The following TNPO1 variants were observed in gnomAD, a reference collection of about 807,000 sequenced individuals.
The protein encoded by TNPO1 is transportin 1, also known as transportin-1.
A neutral mutation model predicts 119.5 loss-of-function variants in TNPO1; 8 were observed. The ratio of observed to expected loss-of-function variants is 0.07; its 90% CI spans 0.04 to 0.12. The LOEUF (loss-of-function observed/expected upper bound fraction) is 0.12. Ranked by LOEUF, TNPO1 falls within the 10% of genes least tolerant of loss-of-function variation. The pLI is 1.00. For synonymous variants in TNPO1, 362 were observed against 363.0 expected, an observed-to-expected ratio of 1.00 and a Z score of 0.03; for missense variants, 576 against 1,089.8, an observed-to-expected ratio of 0.53 and a Z score of 6.64.
chr5:72,887,300 A>AG (rs1554054235), intron 12 of TNPO1, 78 bp downstream of exon 12: 2 of 1,047,926 alleles, frequency 1.9e-6, no homozygotes, highest in African/African-American at 1.9e-5. Flanking sequence ...GGCTACTTTA[A>AG]GGAATTTCTA....
chr5:72,859,543 T>C (rs1229780940), intron 4 of TNPO1, among the ~76,000 whole-genome samples: 1 of 152,218 alleles, frequency 6.6e-6, no homozygotes, highest in Admixed American at 6.5e-5. Context: ...AAAATTTTTA[T>C]TAACCTTAAC....
At chr5:72,876,045 G>A (rs1747740528) in intron 8 of TNPO1, among the ~76,000 whole-genome samples, 2 of 152,124 alleles carry the variant, frequency 1.3e-5, no homozygotes, top group Admixed American at 6.5e-5. Flanking sequence ...TAGCATTCGT[G>A]GTATGCAGCA....
intron 3 of TNPO1, 56 bp from the exon 4 acceptor site, chr5:72,855,718 C>A: frequency 2.1e-6 from 3 of 1,425,312 alleles, no homozygotes; most frequent in Admixed American, 2.3e-5. Context: ...AACTTATCGG[C>A]ACATTTTGAA....
intron 2 of TNPO1, among the ~76,000 whole-genome samples, chr5:72,850,952 A>T (rs1174121653): frequency 6.6e-6 from 1 of 152,126 alleles, no homozygotes; most frequent in African/African-American, 2.4e-5. Flanking sequence ...AAATCCAAGA[A>T]TTTTTTTGAA....
intron 2 of TNPO1, among the ~76,000 whole-genome samples, chr5:72,849,227 TC>T (rs1199917421): frequency 6.6e-6 from 1 of 152,162 alleles, no homozygotes. Context: ...GGTGTAGTGA[TC>T]CTGTTGCTAC....
intron 1 of TNPO1, among the ~76,000 whole-genome samples, chr5:72,838,018 C>T (rs561024715): frequency 1.2e-4 from 18 of 152,228 alleles, no homozygotes; most frequent in African/African-American, 4.3e-4. Context: ...AATATATGCC[C>T]CTGTTGTGTG....
intron 9 of TNPO1, among the ~76,000 whole-genome samples, chr5:72,880,227 A>T (rs1748132706): frequency 6.6e-6 from 1 of 152,128 alleles, no homozygotes; most frequent in South Asian, 2.1e-4. Context: ...CAAGGAGGAT[A>T]TTAAGTTCTA....
intron 1 of TNPO1, 187 bp from the exon 2 acceptor site, chr5:72,848,198 A>G (rs1050892641): frequency 1.8e-5 from 22 of 1,233,658 alleles, no homozygotes; most frequent in Non-Finnish European, 2.2e-5. Flanking sequence ...GGCTGCCAGG[A>G]GCAGTTCCGC....
In TNPO1 at chr5:72,911,520, C is replaced by T. The variant is rs1437754092; in HGVS notation, c.*2847C>T. 6.6e-6 allele frequency: 1 copy of T among 152,392 alleles called. No homozygotes were observed. The highest frequency in any genetic ancestry group is 1.5e-5 in the Non-Finnish European group (1 of 67,922). 9.4% of individuals were successfully genotyped at this position (152,392 alleles called of 1,614,324 possible). A position where few individuals can be genotyped will look rare whatever the true frequency, so the allele number is the denominator to read the frequency against. ...CATTTAAGTTATCTTTTGAGGTAAGCTCTGATTTAGCATTTATTCTGATAA... is the reference window on the plus strand; with the variant it reads ...CATTTAAGTTATCTTTTGAGGTAAGTTCTGATTTAGCATTTATTCTGATAA... On this transcript the variant is annotated 3_prime_UTR_variant, in exon 25 of 25. Transcript: ENST00000337273.
intron 1 of TNPO1, among the ~76,000 whole-genome samples, chr5:72,821,080 G>C (rs1222984600): frequency 6.6e-6 from 1 of 152,042 alleles, no homozygotes; most frequent in Non-Finnish European, 1.5e-5. Flanking sequence ...AAAACTCCTG[G>C]TAAAGTAAAT....
At position 72,861,879 on chromosome 5, in the gene TNPO1, A is replaced by G. The variant is rs765495171; in HGVS notation, c.427A>G (p.Ser143Gly). ...NWPDLLPKLC[S>G]LLDSEDYNTC... ...GCCTGACCTCTTACCAAAACTCTGT[A>G]GCCTGTTGGATTCTGAAGATTATAA... The change falls in exon 5 of 25, where the codon AGC becomes GGC. Residue 143 changes from serine (S) to glycine (G), a missense_variant. Physicochemically the swap from Ser to Gly is moderately conservative, Grantham distance 56 (BLOSUM62 0). Transcript: ENST00000337273. 23 of 1,613,402 alleles carry G rather than the reference A, an allele frequency of 1.4e-5. No individual in the cohort carries two copies. The highest frequency in any genetic ancestry group is 2.0e-5 in the Non-Finnish European group (23 of 1,179,444).
rs184025964 is a variant in TNPO1, at chr5:72,816,713, G to A, written c.-25G>A. The A allele has an allele frequency of 1.3e-6, 2 of 1,567,700 alleles. No homozygotes were observed. Among genetic ancestry groups the A allele is most frequent in the African/African-American group, 1.4e-5 (1 of 71,836 alleles). ...AGGAGGCAGTGCCGCTTCGGCCGAA[G>A]GCCCGAGCGCCCGAGGCGTCTGGGA... On this transcript the variant is annotated 5_prime_UTR_variant, in exon 1 of 25. Transcript: ENST00000337273.
rs1021410155 is a variant in TNPO1 at position 72,913,191 on chromosome 5, T to C, written c.*4518T>C. On this transcript the variant is annotated 3_prime_UTR_variant, in exon 25 of 25. Transcript: ENST00000337273. ...TATACCAACTTAGTGCATTTTATAC[T>C]GTATTAAATATGGAGATACTTCTAA... is the stretch of plus-strand genomic sequence containing the variant. The C allele has an allele frequency of 1.3e-5, 2 of 152,508 alleles. No individual in the cohort carries two copies. The highest frequency in any genetic ancestry group is 6.5e-5 in the Admixed American group (1 of 15,268). 9.4% of individuals were successfully genotyped at this position (152,508 alleles called of 1,614,324 possible). A position where few individuals can be genotyped will look rare whatever the true frequency, so the allele number is the denominator to read the frequency against.
chr5:72,848,083 C>A (rs1745217074), intron 1 of TNPO1: 2 of 1,109,574 alleles, frequency 1.8e-6, no homozygotes, highest in East Asian at 1.3e-4. Context: ...AGGGGGCTCC[C>A]GTGAGCGGAT....
chr5:72,836,909 A>G (rs1275463588), intron 1 of TNPO1, among the ~76,000 whole-genome samples: 1 of 152,196 alleles, frequency 6.6e-6, no homozygotes, highest in Non-Finnish European at 1.5e-5. Flanking sequence ...TTCCAATAAC[A>G]TATTCCTCGT....
chr5:72,855,987 G>C (rs928129084), intron 4 of TNPO1, 64 bp downstream of exon 4: 2 of 1,509,192 alleles, frequency 1.3e-6, no homozygotes, highest in African/African-American at 2.8e-5. Context: ...AGAGATGACA[G>C]ATTATTTCCT....
At chr5:72,851,071 C>T (rs942673483) in intron 2 of TNPO1, 173 bp from the exon 3 acceptor site, 14 of 559,572 alleles carry the variant, frequency 2.5e-5, no homozygotes, top group East Asian at 6.4e-5. Context: ...CAAGCACTAG[C>T]GTGTTTTTGA....
chr5:72,848,627 C>T, intron 2 of TNPO1, 129 bp downstream of exon 2: 1 of 380,882 alleles, frequency 2.6e-6, no homozygotes. Context: ...GGCCTCCTCC[C>T]TGGGTCCGGG....
At chr5:72,882,913 C>T (rs1311077546) in intron 10 of TNPO1, 151 bp from the exon 11 acceptor site, 7 of 648,048 alleles carry the variant, frequency 1.1e-5, no homozygotes, top group Non-Finnish European at 1.9e-5. Context: ...GGAATATGTT[C>T]TGTACATGGG....
Sources: gnomAD v4.1 joint callset for allele counts (sites outside exome capture counted in the v4.1 genomes callset) on GRCh38, gnomAD v4.1.1 for gene constraint, MANE v1.5 for transcripts, NCBI Gene and HGNC (gene_info 2026-07-23, HGNC 2026-07-21) for gene names.